The following CD8A variants were observed in gnomAD, a reference collection of about 807,000 sequenced individuals.
CD8A encodes CD8 subunit alpha.
A neutral mutation model predicts 24.2 loss-of-function variants in CD8A; 25 were observed. The observed-to-expected ratio is 1.03, with a 90% CI of 0.75 to 1.44. The LOEUF is 1.44. Among genes scored for constraint, CD8A ranks in the 40% most tolerant of loss-of-function variants. The probability of loss-of-function intolerance (pLI) is 0.00; values close to 1 mark genes in which losing one functional copy is unlikely to be tolerated. For synonymous variants in CD8A, 165 were observed against 149.9 expected (o/e 1.10, Z -0.74); for missense variants, 360 against 319.7 (o/e 1.13, Z -0.96).
In CD8A at chr2:86,790,674, G is replaced by A; in HGVS notation, c.57C>T (p.Ala19=). 1 of 1,597,262 alleles carries A rather than the reference G, an allele frequency of 6.3e-7. No individual in the cohort carries two copies. The highest frequency in any genetic ancestry group is 1.1e-5 in the South Asian group (1 of 90,840). Reference sequence around the variant, plus strand: ...GCGACACCCGGAACTGGCTCGGCCTGGCGGCGTCTGCAGGCGGCAAGCAGC... The same window carrying A: ...GCGACACCCGGAACTGGCTCGGCCTAGCGGCGTCTGCAGGCGGCAAGCAGC... ...LLPLALLLHA[A]RPSQFRVSPL... The change falls in exon 2 of 6, where the codon GCC becomes GCT. Residue 19 remains alanine, a synonymous_variant. Transcript: ENST00000283635.
intron 3 of CD8A, chr2:86,801,450 C>G (rs1573470162): frequency 6.5e-6 from 1 of 153,220 alleles, no homozygotes; most frequent in Non-Finnish European, 1.4e-5. Flanking sequence ...CTCCTGGGCT[C>G]AAACAGTCCT....
chr2:86,788,600 T>C, intron 4 of CD8A, 40 bp from the exon 5 acceptor site: 1 of 1,577,920 alleles, frequency 6.3e-7, no homozygotes, highest in Non-Finnish European at 8.7e-7. Context: ...AGTGCCCCTA[T>C]CCATCAATAG....
upstream of CD8A, among the ~76,000 whole-genome samples, chr2:86,792,752 C>T (rs1170100858): frequency 6.6e-6 from 1 of 151,538 alleles, no homozygotes; most frequent in Non-Finnish European, 1.5e-5. Context: ...CCGCCTTGGC[C>T]TCCAAAGTGT....
At chr2:86,789,569 C>A in intron 3 of CD8A, 71 bp downstream of exon 3, 1 of 1,321,606 alleles carries the variant, frequency 7.6e-7, no homozygotes, top group Non-Finnish European at 1.1e-6. Flanking sequence ...CCTACAGTAT[C>A]AGGGCTGTCC....
chr2:86,794,734 C>T (rs1184124103), upstream of CD8A, among the ~76,000 whole-genome samples: 1 of 152,172 alleles, frequency 6.6e-6, no homozygotes, highest in African/African-American at 2.4e-5. Flanking sequence ...AAAGGACTTC[C>T]TGGTGTCCCT....
chr2:86,788,593 G>A (rs1689159031), intron 4 of CD8A, 33 bp from the exon 5 acceptor site: 1 of 1,597,612 alleles, frequency 6.3e-7, no homozygotes, highest in Non-Finnish European at 8.6e-7. Context: ...AAAAGTGAGT[G>A]CCCCTATCCA....
chr2:86,792,724 G>A (rs1156237915), upstream of CD8A, among the ~76,000 whole-genome samples: 84 of 151,930 alleles, frequency 5.5e-4, no homozygotes, highest in Non-Finnish European at 5.9e-5. Context: ...TCCAATGCCC[G>A]AGGTCAGGCG....
At chr2:86,797,552 G>C (rs912886676) in intron 3 of CD8A, among the ~76,000 whole-genome samples, 1 of 152,242 alleles carries the variant, frequency 6.6e-6, no homozygotes, top group East Asian at 1.9e-4. Context: ...AGATGAGGAG[G>C]ACTCACAGGA....
upstream of CD8A, among the ~76,000 whole-genome samples, chr2:86,793,458 T>A (rs1196731089): frequency 1.3e-5 from 2 of 152,216 alleles, no homozygotes; most frequent in Non-Finnish European, 2.9e-5. Flanking sequence ...TCCCTCGCTG[T>A]GTAGACACAG....
intron 4 of CD8A, among the ~76,000 whole-genome samples, chr2:86,788,884 TC>T (rs1673135551): frequency 6.6e-6 from 1 of 152,160 alleles, no homozygotes; most frequent in Admixed American, 6.5e-5. Flanking sequence ...GCAGACCTGA[TC>T]CGGCACCTCT....
At chr2:86,799,939 CTT>C (rs35272576) in intron 3 of CD8A, among the ~76,000 whole-genome samples, 82 of 141,056 alleles carry the variant, frequency 5.8e-4, no homozygotes, top group African/African-American at 1.3e-3. Flanking sequence ...AATCAGAATT[CTT>C]TTTTTTTTTT....
chr2:86,797,521 G>A (rs1393910126), intron 3 of CD8A, among the ~76,000 whole-genome samples: 8 of 152,078 alleles, frequency 5.3e-5, no homozygotes, highest in Admixed American at 5.2e-4. Flanking sequence ...TGTCCCACAT[G>A]TTTGCCATTG....
At chr2:86,805,883 G>C (rs192903033) in intron 2 of CD8A, among the ~76,000 whole-genome samples, 1 of 151,832 alleles carries the variant, frequency 6.6e-6, no homozygotes, top group South Asian at 2.1e-4. Context: ...TAAATAAAGG[G>C]GAAAAATACA....
In CD8A at chr2:86,790,317, G is replaced by C; in HGVS notation, c.403+11C>G. On this transcript the variant is annotated intron_variant, in intron 2 of 5. Coordinates refer to ENST00000283635, the MANE Select transcript of CD8A (RefSeq NM_001768.7). ...CCCACGCGGAGAGGTGCCGCAACCC[G>C]GCGCGCGGACCTGGCAGGAAGACCG... 2.5e-6 allele frequency: 4 copies of C among 1,602,962 alleles called. No individual in the cohort carries two copies. Among genetic ancestry groups the C allele is most frequent in the South Asian group, 1.1e-5 (1 of 90,788 alleles).
Position 86,785,534 on chromosome 2 carries a change from G to A in CD8A, c.*386C>T, listed in dbSNP as rs1281602812. 2.1e-6 allele frequency: 1 copy of A among 474,862 alleles called. No homozygotes were observed. The highest frequency in any genetic ancestry group is 1.5e-5 in the South Asian group (1 of 64,626). The allele number at this position is 474,862 out of a possible 1,614,324, so 29.4% of individuals were successfully genotyped here. On this transcript the variant is annotated 3_prime_UTR_variant, in exon 6 of 6. Coordinates refer to ENST00000283635, the MANE Select transcript of CD8A (RefSeq NM_001768.7). ...TACTGCTCCAACCCTGACTTGCTGTGTGCCTTTGATCAAGCTGTCTCTGGG... is the reference window on the plus strand; with the variant it reads ...TACTGCTCCAACCCTGACTTGCTGTATGCCTTTGATCAAGCTGTCTCTGGG...
At chr2:86,800,636 A>G (rs1558739610) in intron 3 of CD8A, among the ~76,000 whole-genome samples, 1 of 152,176 alleles carries the variant, frequency 6.6e-6, no homozygotes, top group Non-Finnish European at 1.5e-5. Flanking sequence ...AGGCTTCGGT[A>G]AAACCTAGTT....
intron 2 of CD8A, among the ~76,000 whole-genome samples, chr2:86,804,576 A>G (rs1673777552): frequency 6.6e-6 from 1 of 152,118 alleles, no homozygotes; most frequent in Admixed American, 6.5e-5. Context: ...AAATGGTAAG[A>G]TTGTTATGTG....
chr2:86,807,166 T>A lies in CD8A; in HGVS notation c.-418+281A>T, dbSNP rs907219220. 3.6e-3 allele frequency among the ~76,000 whole-genome samples: 535 copies of A among 147,010 alleles called. 3 individuals are homozygous for A. Among genetic ancestry groups the A allele is most frequent in the African/African-American group, 0.012 (464 of 39,920 alleles). On this transcript the variant is annotated intron_variant, in intron 2 of 8. Transcript: ENST00000409511. ...TCTCAAAAAATAAAATAAAATAAAA[T>A]AAAAAAAAAAGCCAGCGTGCTGGCG...
chr2:86,798,366 G>A (rs529480398), intron 3 of CD8A, among the ~76,000 whole-genome samples: 1 of 151,744 alleles, frequency 6.6e-6, no homozygotes, highest in African/African-American at 2.4e-5. Flanking sequence ...GTAGAGACAG[G>A]GTTTCTCCAT....
Sources: allele counts gnomAD v4.1 joint callset (sites outside exome capture counted in the v4.1 genomes callset), GRCh38; gene constraint gnomAD v4.1.1; transcripts MANE v1.5; gene names NCBI Gene and HGNC (gene_info 2026-07-23, HGNC 2026-07-21).